ZNF688: variants seen among roughly 807,000 people sequenced by gnomAD.
ZNF688 encodes zinc finger protein 688.
In ZNF688, 10 loss-of-function variants were observed where a neutral mutation model predicts 13.2. The observed-to-expected ratio is 0.76, with a 90% confidence interval of 0.47 to 1.28. The LOEUF (loss-of-function observed/expected upper bound fraction) is 1.28, where lower values mean the gene tolerates loss of function less well. Ranked by LOEUF, ZNF688 falls within the 50% of genes most tolerant of loss-of-function variation. ZNF688 has a pLI of 0.00. For synonymous variants in ZNF688, 160 were observed against 159.4 expected (o/e 1.00, Z -0.03); for missense variants, 381 against 391.4 (o/e 0.97, Z 0.22).
intron 2 of ZNF688, 32 bp from the exon 3 acceptor site, chr16:30,570,468 A>G (rs1555512531): frequency 6.3e-7 from 1 of 1,585,858 alleles, no homozygotes; most frequent in Non-Finnish European, 8.6e-7. Context: ...ACACTTACAA[A>G]CACTTTTGCA....
chr16:30,572,544 G>A, upstream of ZNF688: 1 of 379,274 alleles, frequency 2.6e-6, no homozygotes, highest in Non-Finnish European at 4.7e-6. Flanking sequence ...GAATGGGGAA[G>A]TTTTAAATTA....
chr16:30,571,336 G>C, intron 1 of ZNF688, 98 bp downstream of exon 1: 8 of 1,535,316 alleles, frequency 5.2e-6, no homozygotes, highest in Non-Finnish European at 7.0e-6. Flanking sequence ...GTTGGTGCAA[G>C]AGTGCGGGAT....
the ZNF688 span, among the ~76,000 whole-genome samples, chr16:30,577,829 C>A: frequency 6.6e-6 from 1 of 151,846 alleles, no homozygotes; most frequent in Non-Finnish European, 1.5e-5. Context: ...AACAGCACAA[C>A]CTGCTAATTT....
chr16:30,572,450 A>C, upstream of ZNF688: 1 of 599,920 alleles, frequency 1.7e-6, no homozygotes, highest in African/African-American at 1.9e-5. Flanking sequence ...GAGTCCACCC[A>C]GCCCCTGGCA....
chr16:30,571,168 T>A, intron 1 of ZNF688, 45 bp from the exon 2 acceptor site: 1 of 1,543,896 alleles, frequency 6.5e-7, no homozygotes, highest in Non-Finnish European at 8.7e-7. Flanking sequence ...GAGGCCATCG[T>A]GGGAAGATGG....
chr16:30,572,343 T>C, upstream of ZNF688: 1 of 1,404,168 alleles, frequency 7.1e-7, no homozygotes, highest in Admixed American at 2.7e-5. Flanking sequence ...AGCTGGAATT[T>C]GGTCCCCAGA....
At chr16:30,576,502 G>A (rs1046687327), upstream of ZNF688, among the ~76,000 whole-genome samples, 3 of 152,104 alleles carry the variant, frequency 2.0e-5, no homozygotes, top group East Asian at 1.9e-4. Context: ...GAGCCACCGC[G>A]CCCAGCCACC....
upstream of ZNF688, chr16:30,571,817 T>C (rs1487684087): frequency 1.5e-6 from 2 of 1,312,414 alleles, no homozygotes; most frequent in Non-Finnish European, 1.9e-6. Context: ...GGGACAAATA[T>C]AATTCCTCAG....
In ZNF688 at chr16:30,570,104, C is replaced by T. The variant is rs1041737232; in HGVS notation, c.643G>A (p.Glu215Lys). The change falls in exon 3 of 3, where the codon GAG becomes AAG. Residue 215 changes from glutamate to lysine, a missense_variant. Coordinates refer to ENST00000223459, the MANE Select transcript of ZNF688 (RefSeq NM_145271.4). Reference protein sequence around the residue: ...HSGERPFPCPECGMRFKRKFA... With the variant: ...HSGERPFPCPKCGMRFKRKFA... ...TTCCTCTTGAAGCGCATGCCACACT[C>T]GGGGCAGGGGAAAGGCCGCTCCCCC... 2.5e-6 allele frequency: 4 copies of T among 1,611,272 alleles called. No individual in the cohort carries two copies. The highest frequency in any genetic ancestry group is 2.7e-5 in the African/African-American group (2 of 74,900).
At position 30,570,273 on chromosome 16, in the gene ZNF688, G is replaced by A. The variant is rs1405719985; in HGVS notation, c.474C>T (p.Ala158=). 2.5e-6 allele frequency: 4 copies of A among 1,613,938 alleles called. No homozygotes were observed. Among genetic ancestry groups the A allele is most frequent in the Non-Finnish European group, 3.4e-6 (4 of 1,179,960 alleles). ...GCTGTGCTCCTGTGGTCGGGTCCCA[G>A]GCAGCATTTTTGGGTGGCTGTGCCC... ...PARAQPPKNA[A]WDPTTGAQPP... is the part of the protein sequence containing the mutation. The change falls in exon 3 of 3, where the codon GCC becomes GCT. Residue 158 remains alanine, a synonymous_variant. Transcript: ENST00000223459.
rs375194942 is a variant in ZNF688, at chr16:30,570,298, C to T, written c.449G>A (p.Arg150Gln). ...GGCAGCATTTTTGGGTGGCTGTGCC[C>T]GTGCCGGGGCCACGCTAATAGCTGG... ...PDPAISVAPA[R>Q]AQPPKNAAWD... The change falls in exon 3 of 3, where the codon CGG becomes CAG. Residue 150 changes from arginine to glutamine, a missense_variant. By Grantham distance (43) the Arg-to-Gln change is conservative. Transcript: ENST00000223459. 1 of 1,613,986 alleles carries T rather than the reference C, an allele frequency of 6.2e-7. No homozygotes were observed.
upstream of ZNF688, chr16:30,573,747 G>A: frequency 5.3e-6 from 1 of 189,812 alleles, no homozygotes; most frequent in Non-Finnish European, 1.1e-5. Flanking sequence ...AATGCTTTTT[G>A]GCTTTTAGTG....
upstream of ZNF688, among the ~76,000 whole-genome samples, chr16:30,576,264 T>C (rs1349171528): frequency 1.3e-5 from 2 of 152,192 alleles, no homozygotes; most frequent in African/African-American, 2.4e-5. Flanking sequence ...CAGGCTGGAG[T>C]GCAGTGGCGC....
upstream of ZNF688, among the ~76,000 whole-genome samples, chr16:30,576,673 T>C (rs2051750786): frequency 1.3e-5 from 2 of 152,166 alleles, no homozygotes; most frequent in African/African-American, 4.8e-5. Context: ...CTGATTTGCA[T>C]TTCCCTGATG....
chr16:30,576,124 T>C (rs1299391671), upstream of ZNF688, among the ~76,000 whole-genome samples: 1 of 151,922 alleles, frequency 6.6e-6, no homozygotes, highest in African/African-American at 2.4e-5. Flanking sequence ...CTCAGCTCAC[T>C]GCAACCTCCC....
chr16:30,571,888 C>G, upstream of ZNF688: 1 of 1,277,856 alleles, frequency 7.8e-7, no homozygotes, highest in Non-Finnish European at 9.8e-7. Flanking sequence ...CCGGAAGGTG[C>G]CTTCTGAAAA....
chr16:30,572,198 A>T (rs1321932539), upstream of ZNF688: 1 of 1,606,614 alleles, frequency 6.2e-7, no homozygotes. Flanking sequence ...TTGGCCTGGG[A>T]CTGGCGGGGC....
chr16:30,572,028 C>T (rs2051694665), upstream of ZNF688: 1 of 1,412,440 alleles, frequency 7.1e-7, no homozygotes, highest in African/African-American at 1.5e-5. Flanking sequence ...GCCGCTTCGG[C>T]TGCTTTTTCT....
chr16:30,570,101 A>G lies in ZNF688; in HGVS notation c.646T>C (p.Cys216Arg). ...AACTTCCTCTTGAAGCGCATGCCAC[A>G]CTCGGGGCAGGGGAAAGGCCGCTCC... The part of the protein sequence containing the change: ...SGERPFPCPE[C>R]GMRFKRKFAV... The change falls in exon 3 of 3, where the codon TGT becomes CGT. Residue 216 changes from cysteine (C) to arginine (R), a missense_variant. Cys to Arg is a radical substitution (Grantham distance 180). Transcript: ENST00000223459. The G allele has an allele frequency of 6.2e-7, 1 of 1,611,442 alleles. No homozygotes were observed. The highest frequency in any genetic ancestry group is 8.5e-7 in the Non-Finnish European group (1 of 1,179,168).
Sources: gnomAD v4.1 joint callset for allele counts (sites outside exome capture counted in the v4.1 genomes callset) on GRCh38, gnomAD v4.1.1 for gene constraint, MANE v1.5 for transcripts, NCBI Gene and HGNC (gene_info 2026-07-23, HGNC 2026-07-21) for gene names.